The following SLC6A4 variants were observed in gnomAD, a reference collection of about 807,000 sequenced individuals.
SLC6A4 encodes the protein solute carrier family 6 member 4.
A neutral mutation model predicts 73.4 loss-of-function variants in SLC6A4; 22 were observed. The ratio of observed to expected loss-of-function variants is 0.30; its 90% confidence interval spans 0.21 to 0.43. SLC6A4 has a LOEUF of 0.43. Among genes scored for constraint, SLC6A4 ranks in the 20% least tolerant of loss-of-function variants. The pLI is 1.00. For synonymous variants in SLC6A4, 270 were observed against 315.5 expected, an observed-to-expected ratio of 0.86 and a Z score of 1.53; for missense variants, 593 against 808.5, an observed-to-expected ratio of 0.73 and a Z score of 3.23.
chr17:30,198,502 G>A lies in SLC6A4; in HGVS notation c.1847C>T (p.Thr616Ile). ...GTCCCCACAAGGAATTTCTGTTGGT[G>A]TTTCTGGGGTAATACTTTTAATAAT... ...ERIIKSITPE[T>I]PTEIPCGDIR... Residue 616 changes from threonine (T) to isoleucine (I), a missense_variant, in exon 15 of 15, where the codon ACA becomes ATA. By Grantham distance (89) the Thr-to-Ile change is moderately conservative. Coordinates refer to ENST00000650711, the MANE Select transcript of SLC6A4 (RefSeq NM_001045.6). 1.2e-6 allele frequency: 2 copies of A among 1,600,114 alleles called. No homozygotes were observed. The highest frequency in any genetic ancestry group is 1.7e-6 in the Non-Finnish European group (2 of 1,167,400).
At chr17:30,207,898 T>C in intron 12 of SLC6A4, 66 bp from the exon 13 acceptor site, 2 of 1,195,398 alleles carry the variant, frequency 1.7e-6, no homozygotes, top group South Asian at 1.3e-5. Context: ...TGCTGTGCCC[T>C]GATTCTCTGG....
At position 30,235,616 on chromosome 17, in the gene SLC6A4, C is replaced by T; in HGVS notation, c.-224G>A. On this transcript the variant is annotated 5_prime_UTR_variant, in exon 1 of 15. Coordinates refer to ENST00000650711, the MANE Select transcript of SLC6A4 (RefSeq NM_001045.6). The surrounding 1 kb of genome is among the most constrained non-coding windows in gnomAD (Gnocchi z 4.5). The stretch of plus-strand genomic sequence containing the variant: ...CGGAGAGGAAAAGCGGACCCACCTG[C>T]CAGGCTGCGCGGGGAGGCTGGTCCC... 1 of 152,490 alleles carries T rather than the reference C, an allele frequency of 6.6e-6. No homozygotes were observed. The highest frequency in any genetic ancestry group is 1.5e-5 in the Non-Finnish European group (1 of 68,144). The allele number at this position is 152,490 out of a possible 1,614,324, so 9.4% of individuals were successfully genotyped here.
intron 14 of SLC6A4, among the ~76,000 whole-genome samples, chr17:30,201,686 G>A (rs1386360565): frequency 1.3e-5 from 2 of 152,212 alleles, no homozygotes; most frequent in African/African-American, 4.8e-5. Flanking sequence ...GCTCTTTAGG[G>A]GGAGTGCGGT....
At chr17:30,233,700 T>A (rs1907184237) in intron 1 of SLC6A4, among the ~76,000 whole-genome samples, 1 of 152,108 alleles carries the variant, frequency 6.6e-6, no homozygotes, top group Non-Finnish European at 1.5e-5. Context: ...AAGGTCTGAG[T>A]TACCTTCTCA....
intron 3 of SLC6A4, 39 bp from the exon 4 acceptor site, chr17:30,218,970 T>C (rs1267383879): frequency 6.2e-7 from 1 of 1,612,214 alleles, no homozygotes; most frequent in East Asian, 2.2e-5. Flanking sequence ...CCTGCCCACG[T>C]CTGTCCCAGG....
At chr17:30,234,362 G>A (rs1176628650) in intron 1 of SLC6A4, among the ~76,000 whole-genome samples, 1 of 152,150 alleles carries the variant, frequency 6.6e-6, no homozygotes, top group Non-Finnish European at 1.5e-5. Flanking sequence ...AAGAAAGAAA[G>A]AAAAGAGGAA....
At chr17:30,217,005 C>G (rs1460211686) in intron 6 of SLC6A4, among the ~76,000 whole-genome samples, 161 bp downstream of exon 6, 1 of 152,116 alleles carries the variant, frequency 6.6e-6, no homozygotes, top group Non-Finnish European at 1.5e-5. Context: ...CAACCCACTT[C>G]TAGAATTTTC....
chr17:30,203,068 C>A, intron 14 of SLC6A4, 104 bp downstream of exon 14: 1 of 951,654 alleles, frequency 1.1e-6, no homozygotes, highest in South Asian at 1.6e-5. Flanking sequence ...GGTTGCATGC[C>A]TCCTGGTGAA....
chr17:30,221,127 C>T (rs572852796), intron 3 of SLC6A4, among the ~76,000 whole-genome samples: 1 of 152,022 alleles, frequency 6.6e-6, no homozygotes, highest in Admixed American at 6.5e-5. Context: ...CAGGCGCCCA[C>T]CACCATACCC....
rs1180974366 is a variant in SLC6A4, at chr17:30,230,083, AGAAGAAGAAGAAGAGGAG to A, written c.-221+5512_-221+5529del. On this transcript the variant is annotated intron_variant, in intron 1 of 14. Coordinates refer to ENST00000650711, the MANE Select transcript of SLC6A4 (RefSeq NM_001045.6). ...AAGAAGAAGAAGAAGAAGAAGAAGAAGAAGAAGAAGAAGAGGAGGAAGAGGAAGAGGAAGAGGAAGAGG... is the reference window on the plus strand; with the variant it reads ...AAGAAGAAGAAGAAGAAGAAGAAGAAGAAGAGGAAGAGGAAGAGGAAGAGG... Among the ~76,000 whole-genome samples, 64 of 127,108 alleles carry A rather than the reference AGAAGAAGAAGAAGAGGAG, an allele frequency of 5.0e-4. 1 individual carries two copies. The highest frequency in any genetic ancestry group is 8.2e-4 in the African/African-American group (21 of 25,534). 83.4% of individuals were successfully genotyped at this position (127,108 alleles called of 152,430 possible).
At chr17:30,202,771 G>C (rs1301628550) in intron 14 of SLC6A4, among the ~76,000 whole-genome samples, 1 of 152,102 alleles carries the variant, frequency 6.6e-6, no homozygotes, top group African/African-American at 2.4e-5. Context: ...TTTTCACATT[G>C]CTGTTAGAAA....
intron 1 of SLC6A4, among the ~76,000 whole-genome samples, chr17:30,227,489 GTGT>G (rs1423145056): frequency 6.6e-6 from 1 of 151,878 alleles, no homozygotes; most frequent in Non-Finnish European, 1.5e-5. Flanking sequence ...GTGTGTGTGT[GTGT>G]TGTTTTTTTA....
In SLC6A4 at chr17:30,212,750, G is replaced by T; in HGVS notation, c.1194C>A (p.Ala398=). ...AACCCGAGGTCCTACCTGCGTCTTTGGCCACCTCAGACACATCTTCATTCC... is the reference window on the plus strand; with the variant it reads ...AACCCGAGGTCCTACCTGCGTCTTTTGCCACCTCAGACACATCTTCATTCC... ...EMRNEDVSEV[A]KDAGPSLLFI... is the part of the protein sequence containing the mutation. Residue 398 remains alanine, a synonymous_variant, in exon 9 of 15, where the codon GCC becomes GCA. Transcript: ENST00000650711. 1 of 1,614,156 alleles carries T rather than the reference G, an allele frequency of 6.2e-7. No homozygotes were observed. Among genetic ancestry groups the T allele is most frequent in the Non-Finnish European group, 8.5e-7 (1 of 1,180,012 alleles).
rs762401531 is a variant in SLC6A4 at position 30,221,930 on chromosome 17, T to C, written c.29A>G (p.Lys10Arg). ...TCCATCTTCACACGCTGATAGCTGC[T>C]TCTGAGAATTCAAGGGCGTCGTCTC... is the stretch of plus-strand genomic sequence containing the variant. The part of the protein sequence containing the change: METTPLNSQ[K>R]QLSACEDGED... Residue 10 changes from lysine (K) to arginine (R), a missense_variant, in exon 3 of 15, where the codon AAG (lysine) becomes AGG (arginine). Transcript: ENST00000650711. 6.2e-7 allele frequency: 1 copy of C among 1,614,186 alleles called. No individual in the cohort carries two copies. The highest frequency in any genetic ancestry group is 1.1e-5 in the South Asian group (1 of 91,082).
intron 13 of SLC6A4, 78 bp downstream of exon 13, chr17:30,207,654 G>A (rs927215103): frequency 1.1e-5 from 11 of 981,422 alleles, no homozygotes; most frequent in Middle Eastern, 2.1e-4. Context: ...ACCGTGCCCA[G>A]CCATTACAAT....
At chr17:30,209,053 CT>C in intron 12 of SLC6A4, 89 bp downstream of exon 12, 3 of 902,930 alleles carry the variant, frequency 3.3e-6, no homozygotes, top group Non-Finnish European at 5.4e-6. Flanking sequence ...TAAACTGCCC[CT>C]CACAGCCTTT....
intron 1 of SLC6A4, among the ~76,000 whole-genome samples, chr17:30,230,343 G>A (rs1240506938): frequency 6.6e-6 from 1 of 152,196 alleles, no homozygotes; most frequent in Admixed American, 6.5e-5. Context: ...AGGATTAGGA[G>A]TGTCACTTCA....
chr17:30,204,112 AT>A (rs2143013470), intron 13 of SLC6A4, among the ~76,000 whole-genome samples: 1 of 152,366 alleles, frequency 6.6e-6, no homozygotes, highest in East Asian at 1.9e-4. Flanking sequence ...ACCAAGAAAA[AT>A]TCCACAGTGT....
At chr17:30,214,906 T>C (rs1228650130) in intron 8 of SLC6A4, among the ~76,000 whole-genome samples, 7 of 152,208 alleles carry the variant, frequency 4.6e-5, no homozygotes, top group Non-Finnish European at 7.4e-5. Context: ...GTGTTGAGAT[T>C]ACAGGTGGGA....
Sources: gnomAD v4.1 joint callset for allele counts (sites outside exome capture counted in the v4.1 genomes callset) on GRCh38, gnomAD v4.1.1 for gene constraint, Gnocchi (gnomAD v3.1) non-coding constraint, MANE v1.5 for transcripts, NCBI Gene and HGNC (gene_info 2026-07-23, HGNC 2026-07-21) for gene names.